GJC1: variants seen among roughly 807,000 people sequenced by gnomAD.
The protein encoded by GJC1 is gap junction protein gamma 1, also known as gap junction gamma-1 protein.
In GJC1, 5 loss-of-function variants were observed where a neutral mutation model predicts 29.3. The ratio of observed to expected loss-of-function variants is 0.17; its 90% CI spans 0.09 to 0.36. The LOEUF is 0.36. Among genes scored for constraint, GJC1 ranks in the 10% least tolerant of loss-of-function variants. GJC1 has a pLI of 1.00. For missense variants in GJC1, 310 were observed against 496.2 expected, an observed-to-expected ratio of 0.62 and a Z score of 3.56; for synonymous variants, 177 against 183.3, an observed-to-expected ratio of 0.97 and a Z score of 0.28.
rs1028093635 is a variant in GJC1 at position 44,799,432 on chromosome 17, C to G, written c.*5195G>C. 1 of 152,080 alleles carries G rather than the reference C, an allele frequency of 6.6e-6. No homozygotes were observed. The highest frequency in any genetic ancestry group is 2.4e-5 in the African/African-American group (1 of 41,396). 9.4% of individuals were successfully genotyped at this position (152,080 alleles called of 1,614,324 possible). A position where few individuals can be genotyped will look rare whatever the true frequency, so the allele number is the denominator to read the frequency against. On this transcript the variant is annotated 3_prime_UTR_variant, in exon 3 of 3. Coordinates refer to ENST00000592524, the MANE Select transcript of GJC1 (RefSeq NM_005497.4). ...TGTTGGCCAGGCTTGTTTCAAACTC[C>G]TGACCTCTAGTGATCCACCCACCTC...
chr17:44,823,002 AAT>A (rs1353746038), intron 1 of GJC1, among the ~76,000 whole-genome samples: 10 of 152,276 alleles, frequency 6.6e-5, no homozygotes, highest in African/African-American at 2.4e-4. Context: ...GAATTCCTAA[AAT>A]AGAGTCCAGC....
rs2049875651 is a variant in GJC1, at chr17:44,803,441, T to C, written c.*1186A>G. 3.3e-5 allele frequency: 5 copies of C among 152,182 alleles called. No homozygotes were observed. Among genetic ancestry groups the C allele is most frequent in the Admixed American group, 3.3e-4 (5 of 15,282 alleles). The allele number at this position is 152,182 out of a possible 1,614,324, so 9.4% of individuals were successfully genotyped here. On this transcript the variant is annotated 3_prime_UTR_variant, in exon 3 of 3. Coordinates refer to ENST00000592524, the MANE Select transcript of GJC1 (RefSeq NM_005497.4). Reference sequence around the variant, plus strand: ...GCCTACAAAGAATAAATACTGCACTTCTCTTTAGGTCTATTTACAGACAGG... The same window carrying C: ...GCCTACAAAGAATAAATACTGCACTCCTCTTTAGGTCTATTTACAGACAGG...
chr17:44,797,082 ATC>A (rs533983170), downstream of GJC1, among the ~76,000 whole-genome samples: 8 of 151,546 alleles, frequency 5.3e-5, no homozygotes, highest in East Asian at 1.9e-4. Context: ...ATATATCGCT[ATC>A]TCTCTCTGTT....
At chr17:44,807,351 A>C (rs1284955858) in intron 2 of GJC1, 43 bp downstream of exon 2, 4 of 152,192 alleles carry the variant, frequency 2.6e-5, no homozygotes, top group Admixed American at 6.5e-5. Context: ...TCTGCAGATT[A>C]CAGATGATTT....
chr17:44,812,844 TCAC>T (rs1199174712), intron 1 of GJC1, among the ~76,000 whole-genome samples: 8 of 151,856 alleles, frequency 5.3e-5, no homozygotes, highest in Non-Finnish European at 2.9e-5. Flanking sequence ...AGACAGGGTT[TCAC>T]CACATTAACC....
In GJC1 at chr17:44,805,263, G is replaced by A. The variant is rs566742567; in HGVS notation, c.555C>T (p.Thr185=). ...CTATCAGAAAACCCACCTCAAACAC[G>A]GTCCTTGCCAGCAACTGCAGCACAT... The part of the protein sequence containing the change: ...KIYVLQLLAR[T]VFEVGFLIGQ... Residue 185 remains threonine (T), a synonymous_variant, in exon 3 of 3, where the codon ACC becomes ACT. Coordinates refer to ENST00000592524, the MANE Select transcript of GJC1 (RefSeq NM_005497.4). This position sits in a 1 kb window ranked among gnomAD's most constrained non-coding sequence, Gnocchi z 5.1. 27 of 1,614,094 alleles carry A rather than the reference G, an allele frequency of 1.7e-5. No individual in the cohort carries two copies. The highest frequency in any genetic ancestry group is 5.0e-5 in the Admixed American group (3 of 60,016).
chr17:44,799,730 G>A lies in GJC1; in HGVS notation c.*4897C>T, dbSNP rs1012959860. On this transcript the variant is annotated 3_prime_UTR_variant, in exon 3 of 3. Coordinates refer to ENST00000592524, the MANE Select transcript of GJC1 (RefSeq NM_005497.4). The stretch of plus-strand genomic sequence containing the variant: ...GCCCAGGAGTTTGAGACCAGTCTAG[G>A]CAACATAGTGAGAGCTCTGTCTCTA... 2 of 152,180 alleles carry A rather than the reference G, an allele frequency of 1.3e-5. No individual in the cohort carries two copies. Among genetic ancestry groups the A allele is most frequent in the African/African-American group, 4.8e-5 (2 of 41,424 alleles). 9.4% of individuals were successfully genotyped at this position (152,180 alleles called of 1,614,324 possible).
At chr17:44,821,996 G>C (rs1247327071) in intron 1 of GJC1, among the ~76,000 whole-genome samples, 1 of 151,768 alleles carries the variant, frequency 6.6e-6, no homozygotes, top group Non-Finnish European at 1.5e-5. Context: ...AGGAGATCAA[G>C]ACCATCCTGG....
intron 1 of GJC1, among the ~76,000 whole-genome samples, chr17:44,811,616 G>A (rs2049982566): frequency 6.6e-6 from 1 of 151,864 alleles, no homozygotes; most frequent in Non-Finnish European, 1.5e-5. Flanking sequence ...TGAACTCCTG[G>A]GCTCAAGTGA....
At chr17:44,806,599 G>C (rs1023144237) in intron 2 of GJC1, among the ~76,000 whole-genome samples, 17 of 151,780 alleles carry the variant, frequency 1.1e-4, no homozygotes, top group Admixed American at 8.6e-4. Flanking sequence ...ATGTTGGCCA[G>C]GCTGGTCTCG....
intron 1 of GJC1, among the ~76,000 whole-genome samples, chr17:44,817,680 A>C (rs969396939): frequency 5.3e-5 from 8 of 152,074 alleles, no homozygotes; most frequent in Non-Finnish European, 7.4e-5. Context: ...ATTGCACTCC[A>C]GCCTGGGCAA....
chr17:44,795,938 T>C (rs181779109), downstream of GJC1, among the ~76,000 whole-genome samples: 324 of 152,306 alleles, frequency 2.1e-3, 2 homozygotes, highest in Admixed American at 0.019. Context: ...TGGAAGTAGC[T>C]CTCAGCAGAT....
intron 1 of GJC1, among the ~76,000 whole-genome samples, chr17:44,824,362 G>A (rs568711181): frequency 1.3e-5 from 2 of 152,072 alleles, no homozygotes; most frequent in African/African-American, 4.8e-5. Context: ...TGCATGGTGT[G>A]ATCACAACTC....
chr17:44,827,306 C>T (rs561080187), intron 1 of GJC1, among the ~76,000 whole-genome samples: 3 of 152,120 alleles, frequency 2.0e-5, no homozygotes, highest in East Asian at 3.9e-4. Flanking sequence ...TGCACTCCAG[C>T]CTGGGCAATA....
At chr17:44,810,452 T>C (rs1271961255) in intron 1 of GJC1, among the ~76,000 whole-genome samples, 1 of 152,206 alleles carries the variant, frequency 6.6e-6, no homozygotes, top group East Asian at 1.9e-4. Context: ...TAGTAAGTAT[T>C]GTGTACTGAT....
chr17:44,822,643 C>CAAAAAAAAAAAA (rs11423012), intron 1 of GJC1, among the ~76,000 whole-genome samples: 5 of 80,238 alleles, frequency 6.2e-5, no homozygotes, highest in African/African-American at 2.0e-4. Flanking sequence ...AACTCCATCT[C>CAAAAAAAAAAAA]AAAAAAAAAA....
intron 1 of GJC1, among the ~76,000 whole-genome samples, chr17:44,828,356 A>G (rs1239679205): frequency 6.6e-6 from 1 of 152,220 alleles, no homozygotes; most frequent in Non-Finnish European, 1.5e-5. Context: ...TTCTGGTAGA[A>G]AACAATTCTT....
intron 1 of GJC1, among the ~76,000 whole-genome samples, chr17:44,819,760 C>G (rs900150529): frequency 6.6e-6 from 1 of 152,110 alleles, no homozygotes; most frequent in Non-Finnish European, 1.5e-5. Context: ...TATGTACATA[C>G]CACGTTTTTT....
chr17:44,814,380 T>C (rs986864262), intron 1 of GJC1, among the ~76,000 whole-genome samples: 5 of 151,990 alleles, frequency 3.3e-5, no homozygotes, highest in South Asian at 4.2e-4. Context: ...GACCTCGTGA[T>C]CCACCCACCT....
Sources: allele counts gnomAD v4.1 joint callset (sites outside exome capture counted in the v4.1 genomes callset), GRCh38; gene constraint gnomAD v4.1.1; non-coding constraint Gnocchi (gnomAD v3.1); transcripts MANE v1.5; gene names NCBI Gene and HGNC (gene_info 2026-07-23, HGNC 2026-07-21).